The following SLC45A2 variants were observed in gnomAD, a reference collection of about 807,000 sequenced individuals.
SLC45A2 encodes solute carrier family 45 member 2.
A neutral mutation model predicts 45.5 loss-of-function variants in SLC45A2; 36 were observed. The observed-to-expected ratio is 0.79, with a 90% CI of 0.61 to 1.04. The LOEUF (loss-of-function observed/expected upper bound fraction) is 1.04. Among genes scored for constraint, SLC45A2 ranks in the 50% least tolerant of loss-of-function variants. The probability of loss-of-function intolerance (pLI) is 0.00; values close to 1 mark genes in which losing one functional copy is unlikely to be tolerated. For synonymous variants in SLC45A2, 306 were observed against 269.3 expected (o/e 1.14, Z -1.33); for missense variants, 719 against 671.0 (o/e 1.07, Z -0.79).
chr5:33,969,827 C>T (rs996124615), intron 2 of SLC45A2, among the ~76,000 whole-genome samples: 3 of 152,138 alleles, frequency 2.0e-5, no homozygotes, highest in African/African-American at 7.2e-5. Flanking sequence ...AGATAGGTGC[C>T]TCATTTCCTG....
At chr5:33,977,194 C>G (rs1202494376) in intron 2 of SLC45A2, among the ~76,000 whole-genome samples, 2 of 152,208 alleles carry the variant, frequency 1.3e-5, no homozygotes, top group Non-Finnish European at 2.9e-5. Context: ...GAGGCCTCAC[C>G]AGAAACCAAC....
intron 4 of SLC45A2, among the ~76,000 whole-genome samples, chr5:33,952,928 G>A (rs1414181251): frequency 9.7e-5 from 10 of 103,028 alleles, no homozygotes; most frequent in East Asian, 5.3e-4. Context: ...CCACCTATGA[G>A]TGAGAATATG....
At chr5:33,957,409 AT>A (rs1299512783) in intron 3 of SLC45A2, among the ~76,000 whole-genome samples, 6 of 152,136 alleles carry the variant, frequency 3.9e-5, no homozygotes, top group African/African-American at 1.4e-4. Context: ...GGAAAATTAT[AT>A]TCGCCCATTT....
intron 6 of SLC45A2, chr5:33,945,936 G>A (rs904337346): frequency 8.1e-6 from 8 of 981,736 alleles, no homozygotes; most frequent in African/African-American, 3.5e-5. Flanking sequence ...GTGGTAACAC[G>A]TTGGGGCTGG....
chr5:33,964,209 C>T (rs1752536875), intron 2 of SLC45A2, among the ~76,000 whole-genome samples, 193 bp from the exon 3 acceptor site: 1 of 152,138 alleles, frequency 6.6e-6, no homozygotes, highest in Non-Finnish European at 1.5e-5. Flanking sequence ...TTGGCTCTAG[C>T]ATTTACTTGC....
intron 3 of SLC45A2, among the ~76,000 whole-genome samples, chr5:33,961,913 C>T (rs557797267): frequency 6.6e-6 from 1 of 152,306 alleles, no homozygotes; most frequent in South Asian, 2.1e-4. Flanking sequence ...CTGGAGGACT[C>T]CCATTTGGCC....
intron 2 of SLC45A2, among the ~76,000 whole-genome samples, chr5:33,966,086 A>T (rs1752593544): frequency 6.6e-6 from 1 of 152,154 alleles, no homozygotes; most frequent in Non-Finnish European, 1.5e-5. Context: ...AGAGCAGAAG[A>T]CCCCTGCTCA....
At chr5:33,970,604 CT>C (rs1752750487) in intron 2 of SLC45A2, among the ~76,000 whole-genome samples, 2 of 149,114 alleles carry the variant, frequency 1.3e-5, no homozygotes, top group Admixed American at 1.3e-4. Context: ...GGTTTTACCC[CT>C]AGTCTACCAC....
At chr5:33,950,239 C>G (rs544665359) in intron 5 of SLC45A2, among the ~76,000 whole-genome samples, 1 of 151,982 alleles carries the variant, frequency 6.6e-6, no homozygotes, top group East Asian at 1.9e-4. Context: ...GTAAATAGTC[C>G]CCTCAGCCCT....
rs1276530027 is a variant in SLC45A2 at position 33,984,512 on chromosome 5, A to G, written c.72T>C (p.Ser24=). ...TGGTGGGTCTTTTAGGCGGCTCCAC[A>G]GAGTCAAAGGGGCCATCATCAGCTA... is the stretch of plus-strand genomic sequence containing the variant. The part of the protein sequence containing the change: ...KSLADDGPFD[S]VEPPKRPTSR... Residue 24 remains serine (S), a synonymous_variant, in exon 1 of 7, where the codon TCT becomes TCC. Transcript: ENST00000296589. The G allele has an allele frequency of 1.2e-6, 2 of 1,613,144 alleles. No individual in the cohort carries two copies. Among genetic ancestry groups the G allele is most frequent in the Admixed American group, 1.7e-5 (1 of 60,028 alleles).
chr5:33,984,366 A>C lies in SLC45A2; in HGVS notation c.218T>G (p.Val73Gly), dbSNP rs760254579. The change falls in exon 1 of 7, where the codon GTG (valine) becomes GGG (glycine). Residue 73 changes from valine (V) to glycine (G), a missense_variant. Coordinates refer to ENST00000296589, the MANE Select transcript of SLC45A2 (RefSeq NM_016180.5). The stretch of plus-strand genomic sequence containing the variant: ...TCCCAGGATGGGGCTGAGGAACCAC[A>C]CAATGCTGTACAGGCTGCTGGGCAG... The part of the protein sequence containing the change: ...VGLPSSLYSI[V>G]WFLSPILGFL... The C allele has an allele frequency of 9.9e-6, 16 of 1,613,850 alleles. No individual in the cohort carries two copies. The highest frequency in any genetic ancestry group is 2.7e-5 in the African/African-American group (2 of 74,950).
intron 1 of SLC45A2, among the ~76,000 whole-genome samples, chr5:33,983,619 T>A (rs896361231): frequency 2.0e-5 from 3 of 152,240 alleles, no homozygotes; most frequent in Admixed American, 6.5e-5. Flanking sequence ...TGTACTACCA[T>A]CAATTACTGA....
At chr5:33,980,267 GA>G (rs33933110) in intron 2 of SLC45A2, among the ~76,000 whole-genome samples, 132,321 of 147,804 alleles carry the variant, frequency 0.9, 60,087 homozygotes, top group Non-Finnish European at 0.99. Context: ...GGCTTTCCAA[GA>G]AAAAAAAAAA....
intron 2 of SLC45A2, among the ~76,000 whole-genome samples, chr5:33,976,261 C>T (rs1467036807): frequency 6.6e-6 from 1 of 152,110 alleles, no homozygotes; most frequent in Non-Finnish European, 1.5e-5. Context: ...AGTACCAGTC[C>T]CCCAAAAAGA....
At chr5:33,955,023 A>G (rs902511580) in intron 3 of SLC45A2, among the ~76,000 whole-genome samples, 1 of 152,156 alleles carries the variant, frequency 6.6e-6, no homozygotes, top group African/African-American at 2.4e-5. Context: ...GCTCACTTTG[A>G]GTTAATTGAA....
At chr5:33,949,008 T>C (rs1026177875) in intron 5 of SLC45A2, among the ~76,000 whole-genome samples, 2 of 152,226 alleles carry the variant, frequency 1.3e-5, no homozygotes, top group Non-Finnish European at 2.9e-5. Context: ...ATGCCTCTCT[T>C]CAGGACTGAG....
rs769975324 is a variant in SLC45A2, at chr5:33,947,153, GACAGCAC to G, written c.1368+3_1368+9del. The G allele has an allele frequency of 1.7e-5, 28 of 1,614,082 alleles. No homozygotes were observed. The highest frequency in any genetic ancestry group is 2.4e-5 in the Non-Finnish European group (28 of 1,180,056). ...ATGTTACCCAAGGCAGAGGTTCAAT[GACAGCAC>G]ACCTCCTTTTCTTCCTCGCGGTGGT... On this transcript the variant is annotated splice_donor_5th_base_variant and intron_variant, in intron 6 of 6. Transcript: ENST00000296589.
intron 2 of SLC45A2, among the ~76,000 whole-genome samples, chr5:33,976,210 G>A (rs892563699): frequency 1.8e-4 from 27 of 152,158 alleles, no homozygotes; most frequent in South Asian, 2.1e-4. Context: ...CCGAGAACAC[G>A]GGGAAGGGCT....
chr5:33,971,188 T>C, intron 2 of SLC45A2: 1 of 530,234 alleles, frequency 1.9e-6, no homozygotes, highest in South Asian at 1.4e-5. Flanking sequence ...TATCATGAGA[T>C]ATTTACCAAG....
Sources: allele counts gnomAD v4.1 joint callset (sites outside exome capture counted in the v4.1 genomes callset), GRCh38; gene constraint gnomAD v4.1.1; transcripts MANE v1.5; gene names NCBI Gene and HGNC (gene_info 2026-07-23, HGNC 2026-07-21).